PRKN: variants seen among roughly 807,000 people sequenced by gnomAD.
PRKN encodes parkin RBR E3 ubiquitin protein ligase.
A neutral mutation model predicts 59.5 loss-of-function variants in PRKN; 56 were observed. The observed-to-expected ratio is 0.94, with a 90% CI of 0.76 to 1.18. PRKN has a LOEUF of 1.18. Among genes scored for constraint, PRKN ranks in the 50% most tolerant of loss-of-function variants. The pLI, the probability that PRKN is intolerant of heterozygous loss-of-function variation, is 0.00. For synonymous variants in PRKN, 250 were observed against 222.1 expected, an observed-to-expected ratio of 1.13 and a Z score of -1.12; for missense variants, 657 against 596.4, an observed-to-expected ratio of 1.10 and a Z score of -1.06.
At chr6:161,647,742 AT>A (rs1474566670) in intron 7 of PRKN, among the ~76,000 whole-genome samples, 4 of 152,190 alleles carry the variant, frequency 2.6e-5, no homozygotes, top group Non-Finnish European at 5.9e-5. Context: ...CTGGGATATA[AT>A]TTTGTTTTAT....
intron 6 of PRKN, among the ~76,000 whole-genome samples, chr6:161,905,993 A>T (rs1377366574): frequency 1.4e-5 from 2 of 148,112 alleles, no homozygotes; most frequent in African/African-American, 5.2e-5. Context: ...ATTCTTTTTA[A>T]AATTTAATTT....
At chr6:161,464,974 C>T (rs914365460) in intron 9 of PRKN, among the ~76,000 whole-genome samples, 3 of 152,226 alleles carry the variant, frequency 2.0e-5, no homozygotes, top group African/African-American at 7.2e-5. Flanking sequence ...GTGACAACTG[C>T]TTCTGCAGAG....
chr6:161,596,116 TTGC>T (rs372215084), intron 7 of PRKN, among the ~76,000 whole-genome samples: 211 of 152,270 alleles, frequency 1.4e-3, no homozygotes, highest in African/African-American at 4.9e-3. Flanking sequence ...TGTACAAAGC[TTGC>T]TATACCTATC....
At chr6:162,475,620 T>A (rs1791969544) in intron 1 of PRKN, among the ~76,000 whole-genome samples, 1 of 152,170 alleles carries the variant, frequency 6.6e-6, no homozygotes, top group African/African-American at 2.4e-5. Context: ...CATGTGAGTG[T>A]ACGTGTGCAA....
intron 6 of PRKN, among the ~76,000 whole-genome samples, chr6:161,927,078 G>A (rs1199902058): frequency 1.3e-5 from 2 of 152,082 alleles, no homozygotes; most frequent in Non-Finnish European, 2.9e-5. Context: ...GTGTGTGGGA[G>A]AAGATACTAT....
chr6:162,065,006 G>T (rs555263629), intron 4 of PRKN, among the ~76,000 whole-genome samples: 1 of 152,350 alleles, frequency 6.6e-6, no homozygotes, highest in South Asian at 2.1e-4. Flanking sequence ...TAAAGAATCT[G>T]GCAGAATATG....
At chr6:161,509,247 T>C (rs1024265567) in intron 9 of PRKN, among the ~76,000 whole-genome samples, 1 of 151,852 alleles carries the variant, frequency 6.6e-6, no homozygotes, top group African/African-American at 2.4e-5. Context: ...CTTTTTCACC[T>C]CCTGTTCTTG....
intron 7 of PRKN, among the ~76,000 whole-genome samples, chr6:161,689,227 CACACACA>C (rs1052740692): frequency 1.5e-4 from 17 of 114,446 alleles, no homozygotes; most frequent in African/African-American, 4.9e-4. Flanking sequence ...CACACACACA[CACACACA>C]AAGTGAACCC....
chr6:161,958,708 A>T (rs1780271457), intron 6 of PRKN, among the ~76,000 whole-genome samples: 1 of 151,986 alleles, frequency 6.6e-6, no homozygotes, highest in Non-Finnish European at 1.5e-5. Flanking sequence ...GCAAAACCCC[A>T]TCTCTACTAA....
intron 4 of PRKN, among the ~76,000 whole-genome samples, chr6:162,083,286 A>G (rs1583007195): frequency 6.6e-6 from 1 of 152,130 alleles, no homozygotes; most frequent in South Asian, 2.1e-4. Flanking sequence ...TAATAATGCA[A>G]AGGTTTAAAA....
At chr6:161,856,361 AAAATAAATAAAT>A (rs113381073) in intron 6 of PRKN, among the ~76,000 whole-genome samples, 2 of 149,352 alleles carry the variant, frequency 1.3e-5, no homozygotes, top group Non-Finnish European at 3.0e-5. Context: ...ATGCCATCTC[AAAATAAATAAAT>A]AAATAAATAA....
rs1194295961 is a variant in PRKN at position 161,832,776 on chromosome 6, T to C, written c.735-46868A>G. Among the ~76,000 whole-genome samples, 12 of 152,086 alleles carry C rather than the reference T, an allele frequency of 7.9e-5. No individual in the cohort carries two copies. In the East Asian group the frequency reaches 2.3e-3, roughly 29 times the overall value. On this transcript the variant is annotated intron_variant, in intron 6 of 11. Transcript: ENST00000366898. ...GAGCAGGGCATCTCACCCTCCCCAT[T>C]CTCTACGGTCTGTCTGGAGAAAGCT...
chr6:161,509,811 C>G (rs1258715630), intron 9 of PRKN, among the ~76,000 whole-genome samples: 14 of 135,472 alleles, frequency 1.0e-4, no homozygotes, highest in Non-Finnish European at 2.0e-4. Flanking sequence ...ACCCAGGAGG[C>G]AGAGGTTGCA....
At chr6:162,243,802 A>G (rs1196274714) in intron 3 of PRKN, among the ~76,000 whole-genome samples, 1 of 152,114 alleles carries the variant, frequency 6.6e-6, no homozygotes, top group Admixed American at 6.5e-5. Flanking sequence ...TGCAAATTAG[A>G]TATTATTCCT....
chr6:161,973,460 G>C (rs751186019), intron 5 of PRKN, 43 bp from the exon 6 acceptor site: 11 of 1,108,792 alleles, frequency 9.9e-6, no homozygotes, highest in East Asian at 4.7e-5. Context: ...GATCCCGGCT[G>C]CTCATTTTTC....
intron 6 of PRKN, among the ~76,000 whole-genome samples, chr6:161,858,421 T>G (rs926978791): frequency 4.6e-5 from 7 of 152,146 alleles, no homozygotes; most frequent in Admixed American, 2.6e-4. Context: ...TGTTAAAAAC[T>G]CTAAAAACTT....
intron 9 of PRKN, among the ~76,000 whole-genome samples, chr6:161,432,272 T>A (rs1294876082): frequency 2.0e-5 from 3 of 152,200 alleles, no homozygotes; most frequent in African/African-American, 7.2e-5. Context: ...GCAAGATAGA[T>A]ATCTACTTTT....
chr6:162,114,245 T>C (rs1008493031), intron 4 of PRKN, among the ~76,000 whole-genome samples: 1 of 152,130 alleles, frequency 6.6e-6, no homozygotes, highest in African/African-American at 2.4e-5. Context: ...TTTCCAATTC[T>C]GTGAAGAAAG....
At chr6:162,718,346 A>G (rs1414082781) in intron 1 of PRKN, among the ~76,000 whole-genome samples, 1 of 152,310 alleles carries the variant, frequency 6.6e-6, no homozygotes, top group East Asian at 1.9e-4. Context: ...TAATGAATTT[A>G]CACACTAAGA....
Sources: gnomAD v4.1 joint callset for allele counts (sites outside exome capture counted in the v4.1 genomes callset) on GRCh38, gnomAD v4.1.1 for gene constraint, MANE v1.5 for transcripts, NCBI Gene and HGNC (gene_info 2026-07-23, HGNC 2026-07-21) for gene names.